TRAPPC11: variants seen among roughly 807,000 people sequenced by gnomAD.
TRAPPC11 encodes the protein foie gras homolog.
Under a neutral mutation model 151.2 loss-of-function variants are expected in TRAPPC11, and 104 were observed. That is an observed-to-expected ratio of 0.69 (90% CI 0.59 to 0.81). The LOEUF (loss-of-function observed/expected upper bound fraction) is 0.81, where lower values mean the gene tolerates loss of function less well. Among genes scored for constraint, TRAPPC11 ranks in the 30% least tolerant of loss-of-function variants. The pLI is 0.00. For missense variants in TRAPPC11, 1,230 were observed against 1,349.6 expected (o/e 0.91, Z 1.39); for synonymous variants, 456 against 472.3 (o/e 0.97, Z 0.45).
At chr4:183,663,644 T>C (rs959149124) in intron 1 of TRAPPC11, among the ~76,000 whole-genome samples, 2 of 152,040 alleles carry the variant, frequency 1.3e-5, no homozygotes, top group African/African-American at 4.8e-5. Flanking sequence ...GTTGGGATTG[T>C]ATGCGTGAGC....
chr4:183,669,793 C>T (rs535497291), intron 5 of TRAPPC11, among the ~76,000 whole-genome samples: 6 of 152,274 alleles, frequency 3.9e-5, no homozygotes, highest in African/African-American at 1.4e-4. Flanking sequence ...CTTGAGAACC[C>T]TACCTTAACC....
intron 2 of TRAPPC11, among the ~76,000 whole-genome samples, chr4:183,665,256 A>ACCACGCCCG (rs1734807680): frequency 6.6e-6 from 1 of 151,586 alleles, no homozygotes. Context: ...CACCACGTCC[A>ACCACGCCCG]GCTAATTTTC....
intron 18 of TRAPPC11, among the ~76,000 whole-genome samples, chr4:183,690,225 A>G (rs371288902): frequency 1.3e-5 from 1 of 76,982 alleles, no homozygotes; most frequent in Non-Finnish European, 2.8e-5. Flanking sequence ...ATAAACCATA[A>G]GAAAAAAAAA....
chr4:183,703,412 G>A (rs1440863850), intron 26 of TRAPPC11, among the ~76,000 whole-genome samples: 1 of 152,100 alleles, frequency 6.6e-6, no homozygotes, highest in African/African-American at 2.4e-5. Flanking sequence ...CCATATTGAT[G>A]TTTAGTTTTA....
chr4:183,691,079 T>C (rs1031119089), intron 18 of TRAPPC11, among the ~76,000 whole-genome samples: 8 of 152,206 alleles, frequency 5.3e-5, no homozygotes, highest in African/African-American at 1.9e-4. Context: ...AAACTGTTTC[T>C]CTGGGAGAGG....
chr4:183,694,712 A>G lies in TRAPPC11; in HGVS notation c.2617A>G (p.Lys873Glu), dbSNP rs1736441679. ...CGTTGAAGAAAAAGAAATTGTTTGC[A>G]AGTGTCACAAGGTATTTTTTTATAG... The part of the protein sequence containing the change: ...TTVEEKEIVC[K>E]CHKDETVTIE... The change falls in exon 23 of 30, where the codon AAG (lysine) becomes GAG (glutamate). Residue 873 changes from lysine (K) to glutamate (E), a missense_variant. Physicochemically the swap from Lys to Glu is moderately conservative, Grantham distance 56. Transcript: ENST00000334690. 6.2e-7 allele frequency: 1 copy of G among 1,607,118 alleles called. No homozygotes were observed. Among genetic ancestry groups the G allele is most frequent in the Non-Finnish European group, 8.5e-7 (1 of 1,178,608 alleles).
rs563018658 is a variant in TRAPPC11 at position 183,708,690 on chromosome 4, TTTA to T, written c.3357+121_3357+123del. Reference sequence around the variant, plus strand: ...GAGACCAACAGTGATAGTTTTGCCTTTTATTATATGTATTTGGCAGTATTGCTG... The same window carrying T: ...GAGACCAACAGTGATAGTTTTGCCTTTTATATGTATTTGGCAGTATTGCTG... On this transcript the variant is annotated intron_variant, in intron 29 of 29. Transcript: ENST00000334690. 9.6e-5 allele frequency: 89 copies of T among 928,392 alleles called. 1 individual carries two copies. The highest frequency in any genetic ancestry group is 7.3e-4 in the South Asian group (46 of 62,732). 57.5% of individuals were successfully genotyped at this position (928,392 alleles called of 1,614,324 possible).
intron 18 of TRAPPC11, among the ~76,000 whole-genome samples, chr4:183,688,199 T>C (rs1042332448): frequency 6.6e-5 from 10 of 152,090 alleles, no homozygotes; most frequent in Admixed American, 3.3e-4. Flanking sequence ...ATTGCCCAAA[T>C]AGGTAATGAA....
In TRAPPC11 at chr4:183,697,661, T is replaced by C; in HGVS notation, c.2695-18T>C. The C allele has an allele frequency of 3.1e-6, 5 of 1,613,130 alleles. No homozygotes were observed. The highest frequency in any genetic ancestry group is 4.2e-6 in the Non-Finnish European group (5 of 1,179,554). On this transcript the variant is annotated intron_variant, in intron 24 of 29. Coordinates refer to ENST00000334690, the MANE Select transcript of TRAPPC11 (RefSeq NM_021942.6). ...TTAAGGTAATTCCTGACAGACCTTT[T>C]ATCTTCATTTGTGACAGTTTGAGCA...
At chr4:183,688,734 C>T (rs545162602) in intron 18 of TRAPPC11, among the ~76,000 whole-genome samples, 4 of 150,672 alleles carry the variant, frequency 2.7e-5, no homozygotes, top group East Asian at 1.9e-4. Flanking sequence ...AGTGTGTGTG[C>T]GTGTGTGTGT....
At chr4:183,663,733 G>GTTTTT in intron 1 of TRAPPC11, 114 bp from the exon 2 acceptor site, 1 of 567,648 alleles carries the variant, frequency 1.8e-6, no homozygotes, top group Non-Finnish European at 3.0e-6. Flanking sequence ...ATGAATATGA[G>GTTTTT]TTGTTTTTTT....
intron 8 of TRAPPC11, among the ~76,000 whole-genome samples, chr4:183,678,537 A>G (rs1485503291): frequency 2.0e-5 from 3 of 152,260 alleles, no homozygotes; most frequent in Non-Finnish European, 4.4e-5. Context: ...CTATGTAGTG[A>G]TATGGAATAA....
chr4:183,681,698 T>G (rs1735704883), intron 10 of TRAPPC11, among the ~76,000 whole-genome samples: 1 of 150,868 alleles, frequency 6.6e-6, no homozygotes, highest in Non-Finnish European at 1.5e-5. Flanking sequence ...GAGAATGGCG[T>G]GAACCTGGGA....
At chr4:183,696,520 C>T (rs1169871275) in intron 23 of TRAPPC11, among the ~76,000 whole-genome samples, 5 of 152,084 alleles carry the variant, frequency 3.3e-5, no homozygotes, top group Admixed American at 2.6e-4. Flanking sequence ...CTCAGCCTCC[C>T]GAGTAACTGG....
chr4:183,673,440 G>A (rs1294376948), intron 5 of TRAPPC11, among the ~76,000 whole-genome samples: 3 of 152,128 alleles, frequency 2.0e-5, no homozygotes, highest in Non-Finnish European at 2.9e-5. Flanking sequence ...TTGGGAGATC[G>A]AGGCATTTGG....
intron 29 of TRAPPC11, among the ~76,000 whole-genome samples, chr4:183,709,408 T>A (rs1737231297): frequency 6.6e-6 from 1 of 152,170 alleles, no homozygotes; most frequent in Admixed American, 6.5e-5. Context: ...ATTTCCAGAC[T>A]TTTATACAGA....
chr4:183,693,986 A>G lies in TRAPPC11; in HGVS notation c.2456A>G (p.Tyr819Cys). 6.2e-7 allele frequency: 1 copy of G among 1,614,066 alleles called. No homozygotes were observed. The highest frequency in any genetic ancestry group is 8.5e-7 in the Non-Finnish European group (1 of 1,179,952). The change falls in exon 22 of 30, where the codon TAC becomes TGC. Residue 819 changes from tyrosine (Y) to cysteine (C), a missense_variant. Coordinates refer to ENST00000334690, the MANE Select transcript of TRAPPC11 (RefSeq NM_021942.6). Reference sequence around the variant, plus strand: ...GGAACAGAACTGTGTGATGAATCCTACCCGGCTTTACTCACTGACATTCCT... The same window carrying G: ...GGAACAGAACTGTGTGATGAATCCTGCCCGGCTTTACTCACTGACATTCCT... ...LHGTELCDESYPALLTDIPVG... is the reference protein window; with the variant it reads ...LHGTELCDESCPALLTDIPVG...
At chr4:183,674,607 A>T (rs1418568098) in intron 5 of TRAPPC11, 106 bp from the exon 6 acceptor site, 1 of 587,610 alleles carries the variant, frequency 1.7e-6, no homozygotes, top group Non-Finnish European at 3.0e-6. Context: ...AATGTAAAAC[A>T]GATATTTCTG....
At chr4:183,679,312 C>CT in intron 8 of TRAPPC11, 41 bp from the exon 9 acceptor site, 2 of 1,510,034 alleles carry the variant, frequency 1.3e-6, no homozygotes, top group Non-Finnish European at 1.8e-6. Context: ...TTTTGACTTT[C>CT]TTTTTTTCCT....
Sources: gnomAD v4.1 joint callset for allele counts (sites outside exome capture counted in the v4.1 genomes callset) on GRCh38, gnomAD v4.1.1 for gene constraint, MANE v1.5 for transcripts, NCBI Gene and HGNC (gene_info 2026-07-23, HGNC 2026-07-21) for gene names.